Variants in UBN1 observed in about 807,000 individuals in gnomAD.
UBN1 encodes the protein ubinuclein-1.
In UBN1, 17 loss-of-function variants were observed where a neutral mutation model predicts 108.5. The ratio of observed to expected loss-of-function variants is 0.16; its 90% confidence interval spans 0.11 to 0.24. The LOEUF (loss-of-function observed/expected upper bound fraction) is 0.24. Among genes scored for constraint, UBN1 ranks in the 10% least tolerant of loss-of-function variants. The pLI is 1.00. For missense variants in UBN1, 1,595 were observed against 1,394.4 expected, an observed-to-expected ratio of 1.14 and a Z score of -2.29; for synonymous variants, 726 against 564.2, an observed-to-expected ratio of 1.29 and a Z score of -4.07.
chr16:4,881,785 G>C lies in UBN1; in HGVS notation c.*1653G>C, dbSNP rs544766963. The C allele has an allele frequency of 1.3e-5, 2 of 152,508 alleles. No individual in the cohort carries two copies. The highest frequency in any genetic ancestry group is 2.9e-5 in the Non-Finnish European group (2 of 68,030). 9.4% of individuals were successfully genotyped at this position (152,508 alleles called of 1,614,324 possible). ...AACTTGGATTTCCAGTTTGTTTACA[G>C]AGTAGTCTTAGGTAGTAGCAAAAGA... On this transcript the variant is annotated 3_prime_UTR_variant, in exon 18 of 18. Transcript: ENST00000262376.
chr16:4,872,836 C>A (rs761668649), intron 12 of UBN1, 48 bp from the exon 13 acceptor site: 3 of 1,610,970 alleles, frequency 1.9e-6, no homozygotes. Context: ...AAGCAGAGTC[C>A]CAGCTTTCTG....
chr16:4,861,594 C>T (rs976431048), intron 7 of UBN1, among the ~76,000 whole-genome samples: 1 of 152,336 alleles, frequency 6.6e-6, no homozygotes, highest in East Asian at 1.9e-4. Context: ...AGGAATGCCT[C>T]AAATGTGATG....
chr16:4,857,806 C>A (rs1466041403), intron 2 of UBN1, among the ~76,000 whole-genome samples, 184 bp from the exon 3 acceptor site: 3 of 152,194 alleles, frequency 2.0e-5, no homozygotes, highest in Non-Finnish European at 4.4e-5. Flanking sequence ...TATTAACCTA[C>A]ATTAAGGGAA....
At chr16:4,875,748 A>AC (rs889325293) in intron 15 of UBN1, among the ~76,000 whole-genome samples, 13 of 151,998 alleles carry the variant, frequency 8.6e-5, no homozygotes, top group Non-Finnish European at 5.9e-5. Context: ...GCCTTCCGTG[A>AC]CCCCTTGCCT....
chr16:4,854,303 G>T (rs1055986948), intron 2 of UBN1, among the ~76,000 whole-genome samples: 16 of 151,014 alleles, frequency 1.1e-4, no homozygotes, highest in Non-Finnish European at 4.4e-5. Context: ...AAAGTGCTGG[G>T]ATTACAGGCA....
chr16:4,880,134 C>T lies in UBN1; in HGVS notation c.*2C>T, dbSNP rs145708186. On this transcript the variant is annotated 3_prime_UTR_variant, in exon 18 of 18. Coordinates refer to ENST00000262376, the MANE Select transcript of UBN1 (RefSeq NM_001079514.3). ...CCTGCTGTACCACGGAAATTGTGAC[C>T]GCTTCAGAGGCAAGGCTTGCCACTT... 115 of 1,613,796 alleles carry T rather than the reference C, an allele frequency of 7.1e-5. No homozygotes were observed. In the African/African-American group the frequency reaches 8.6e-4, roughly 12 times the overall value.
intron 9 of UBN1, 51 bp downstream of exon 9, chr16:4,870,392 G>T: frequency 6.2e-7 from 1 of 1,611,564 alleles, no homozygotes; most frequent in Non-Finnish European, 8.5e-7. Context: ...TGGCGGAGGG[G>T]TGACTGAGTC....
rs755863478 is a variant in UBN1 at position 4,860,874 on chromosome 16, C to T, written c.882C>T (p.Gly294=). 6.2e-7 allele frequency: 1 copy of T among 1,614,272 alleles called. No individual in the cohort carries two copies. Among genetic ancestry groups the T allele is most frequent in the Non-Finnish European group, 8.5e-7 (1 of 1,180,052 alleles). ...CTGACCCCTTGCTCTCACTCTTTGG[C>T]TCTACTTCTGACAACGACTTGCTCC... The part of the protein sequence containing the change: ...GASDPLLSLF[G]STSDNDLLQA... Residue 294 remains glycine (G), a synonymous_variant, in exon 7 of 18, where the codon GGC becomes GGT. Transcript: ENST00000262376.
At chr16:4,873,655 A>T (rs973579563) in intron 14 of UBN1, among the ~76,000 whole-genome samples, 1 of 152,182 alleles carries the variant, frequency 6.6e-6, no homozygotes, top group African/African-American at 2.4e-5. Context: ...ACTCCTAAGT[A>T]TCTGTTGAGC....
chr16:4,880,089 C>G lies in UBN1; in HGVS notation c.3362C>G (p.Ser1121Cys), dbSNP rs1282917267. Residue 1121 changes from serine (S) to cysteine (C), a missense_variant, in exon 18 of 18, where the codon TCT becomes TGT. By Grantham distance (112) the Ser-to-Cys change is moderately radical (BLOSUM62 -1). Coordinates refer to ENST00000262376, the MANE Select transcript of UBN1 (RefSeq NM_001079514.3). ...TTTTCTTACTCTTTTCCAGGTGCTT[C>G]TCAGCTTCACGGGAAAGGGCCTGCT... is the stretch of plus-strand genomic sequence containing the variant. ...THIPQSLPGA[S>C]QLHGKGPAVP... is the part of the protein sequence containing the mutation. The G allele has an allele frequency of 1.2e-6, 2 of 1,613,912 alleles. No homozygotes were observed. Among genetic ancestry groups the G allele is most frequent in the Admixed American group, 1.7e-5 (1 of 59,986 alleles).
chr16:4,870,026 T>G (rs75962417), intron 8 of UBN1, among the ~76,000 whole-genome samples, 186 bp from the exon 9 acceptor site: 21,022 of 152,218 alleles, frequency 0.14, 1,572 homozygotes, highest in Middle Eastern at 0.22. Context: ...TCATCAGGCT[T>G]GGGAGTTGTT....
chr16:4,871,725 T>C (rs55994663), intron 12 of UBN1, among the ~76,000 whole-genome samples: 4,334 of 152,008 alleles, frequency 0.029, 100 homozygotes, highest in South Asian at 0.049. Flanking sequence ...TAGCTGGGAC[T>C]ACAGGTGCCT....
At chr16:4,870,656 C>G in intron 10 of UBN1, 22 bp downstream of exon 10, 1 of 1,613,346 alleles carries the variant, frequency 6.2e-7, no homozygotes, top group Non-Finnish European at 8.5e-7. Context: ...CTGGCGCTTG[C>G]AGGTGCAACC....
At chr16:4,876,812 G>A in intron 15 of UBN1, 59 bp from the exon 16 acceptor site, 1 of 1,526,628 alleles carries the variant, frequency 6.6e-7, no homozygotes. Flanking sequence ...GCCAGGTTTG[G>A]TGTGAGTGAG....
chr16:4,863,092 G>A (rs2087148191), intron 7 of UBN1, among the ~76,000 whole-genome samples: 1 of 152,136 alleles, frequency 6.6e-6, no homozygotes, highest in Non-Finnish European at 1.5e-5. Flanking sequence ...TTATCCATCC[G>A]GCCAATATAA....
intron 5 of UBN1, 124 bp from the exon 6 acceptor site, chr16:4,859,741 T>C: frequency 1.4e-6 from 2 of 1,468,032 alleles, no homozygotes; most frequent in East Asian, 5.0e-5. Flanking sequence ...TGAGAGCTTT[T>C]GTTCATGAAG....
Position 4,875,275 on chromosome 16 carries a change from G to A in UBN1, c.2865G>A (p.Gly955=), listed in dbSNP as rs751528488. 10 of 1,614,046 alleles carry A rather than the reference G, an allele frequency of 6.2e-6. No individual in the cohort carries two copies. Among genetic ancestry groups the A allele is most frequent in the African/African-American group, 2.7e-5 (2 of 74,932 alleles). ...GCCGACCCGTCCCAAGTTCAGCAGG[G>A]AAAAAAATGCCTGTTTCCCAGAAGT... is the stretch of plus-strand genomic sequence containing the variant. The part of the protein sequence containing the change: ...ATSRPVPSSA[G]KKMPVSQKLT... The change falls in exon 15 of 18, where the codon GGG becomes GGA. Residue 955 remains glycine, a synonymous_variant. Coordinates refer to ENST00000262376, the MANE Select transcript of UBN1 (RefSeq NM_001079514.3).
In UBN1 at chr16:4,858,580, C is replaced by T. The variant is rs1301554432; in HGVS notation, c.349C>T (p.Arg117Cys). The T allele has an allele frequency of 2.5e-5, 41 of 1,613,878 alleles. No homozygotes were observed. The highest frequency in any genetic ancestry group is 5.3e-5 in the African/African-American group (4 of 74,898). ...KFEEKYGGKK[R>C]RKDRIQDLID... ...TTTCACATTTTAGGGTGGAAAGAAA[C>T]GTAGAAAAGACCGAATACAGGACTT... The change falls in exon 4 of 18, where the codon CGT becomes TGT. Residue 117 changes from arginine (R) to cysteine (C), a missense_variant. Coordinates refer to ENST00000262376, the MANE Select transcript of UBN1 (RefSeq NM_001079514.3).
intron 2 of UBN1, among the ~76,000 whole-genome samples, chr16:4,856,597 A>G (rs1399758910): frequency 6.6e-6 from 1 of 152,232 alleles, no homozygotes; most frequent in Non-Finnish European, 1.5e-5. Context: ...GGTCTTAGAA[A>G]GAAGAGAGCT....
Sources: gnomAD v4.1 joint callset for allele counts (sites outside exome capture counted in the v4.1 genomes callset) on GRCh38, gnomAD v4.1.1 for gene constraint, MANE v1.5 for transcripts, NCBI Gene and HGNC (gene_info 2026-07-23, HGNC 2026-07-21) for gene names.